SMYD3: variants seen among roughly 807,000 people sequenced by gnomAD.
The protein encoded by SMYD3 is histone-lysine N-methyltransferase SMYD3.
Under a neutral mutation model 57.7 loss-of-function variants are expected in SMYD3, and 36 were observed. The ratio of observed to expected loss-of-function variants is 0.62; its 90% CI spans 0.48 to 0.82. SMYD3 has a LOEUF of 0.82. Among genes scored for constraint, SMYD3 ranks in the 40% least tolerant of loss-of-function variants. The probability of loss-of-function intolerance (pLI) is 0.00; values close to 1 mark genes in which losing one functional copy is unlikely to be tolerated. For missense variants in SMYD3, 515 were observed against 538.8 expected, an observed-to-expected ratio of 0.96 and a Z score of 0.44; for synonymous variants, 211 against 195.0, an observed-to-expected ratio of 1.08 and a Z score of -0.68.
At chr1:245,954,823 C>A (rs546373593) in intron 5 of SMYD3, among the ~76,000 whole-genome samples, 2 of 152,320 alleles carry the variant, frequency 1.3e-5, no homozygotes, top group South Asian at 2.1e-4. Flanking sequence ...CTCTTACTTG[C>A]AACTTTCCAA....
chr1:246,052,893 CA>C (rs1440516573), intron 5 of SMYD3: 1 of 152,172 alleles, frequency 6.6e-6, no homozygotes, highest in Non-Finnish European at 1.5e-5. Context: ...TACATTAAAT[CA>C]CAATCAAAAC....
At chr1:246,273,401 C>A (rs1298030317) in intron 5 of SMYD3, among the ~76,000 whole-genome samples, 1 of 151,608 alleles carries the variant, frequency 6.6e-6, no homozygotes, top group East Asian at 1.9e-4. Context: ...CCACCCACCT[C>A]GGCCTCCCAA....
At chr1:246,244,942 C>T (rs968354038) in intron 5 of SMYD3, among the ~76,000 whole-genome samples, 3 of 152,238 alleles carry the variant, frequency 2.0e-5, no homozygotes, top group South Asian at 2.1e-4. Flanking sequence ...ATCTTCAAAA[C>T]GCTGAAGTTT....
intron 5 of SMYD3, among the ~76,000 whole-genome samples, chr1:246,003,421 G>A (rs2059115207): frequency 6.6e-6 from 1 of 152,184 alleles, no homozygotes; most frequent in South Asian, 2.1e-4. Flanking sequence ...AAATACAGGT[G>A]ACAGGATATA....
chr1:245,956,662 C>G (rs982728807), intron 5 of SMYD3, among the ~76,000 whole-genome samples: 2 of 152,136 alleles, frequency 1.3e-5, no homozygotes, highest in African/African-American at 4.8e-5. Flanking sequence ...TCTACTTCTC[C>G]TCCTCCTCCT....
intron 8 of SMYD3, among the ~76,000 whole-genome samples, chr1:245,900,770 G>T (rs2054132744): frequency 6.6e-6 from 1 of 152,118 alleles, no homozygotes; most frequent in Non-Finnish European, 1.5e-5. Context: ...ATTTTCTGAA[G>T]ATCCACCATA....
intron 10 of SMYD3, among the ~76,000 whole-genome samples, chr1:245,815,323 T>C (rs1421017053): frequency 6.6e-6 from 1 of 152,214 alleles, no homozygotes; most frequent in African/African-American, 2.4e-5. Flanking sequence ...AGTCCTTGCC[T>C]CTCATTCAGG....
At chr1:246,459,332 G>A (rs191833247) in intron 1 of SMYD3, among the ~76,000 whole-genome samples, 31 of 146,166 alleles carry the variant, frequency 2.1e-4, no homozygotes, top group African/African-American at 4.4e-4. Context: ...TAGAGTTCTC[G>A]CGAGATCTTA....
At chr1:245,776,365 T>C (rs569383337) in intron 10 of SMYD3, among the ~76,000 whole-genome samples, 30 of 151,884 alleles carry the variant, frequency 2.0e-4, no homozygotes, top group Admixed American at 1.1e-3. Context: ...GCATTGTCGT[T>C]AAAAAAAACC....
chr1:245,907,875 C>T (rs548702761), intron 8 of SMYD3, among the ~76,000 whole-genome samples: 16 of 152,018 alleles, frequency 1.1e-4, no homozygotes, highest in Admixed American at 3.3e-4. Flanking sequence ...TGGTGGCTCA[C>T]GCCTGTAATC....
chr1:246,453,044 A>ATATGTCAGATAC (rs2103030778), intron 1 of SMYD3, among the ~76,000 whole-genome samples: 1 of 152,366 alleles, frequency 6.6e-6, no homozygotes, highest in African/African-American at 2.4e-5. Flanking sequence ...AGTGCTTACT[A>ATATGTCAGATAC]TATGTCAGAT....
At chr1:246,242,667 G>T (rs1572267024) in intron 5 of SMYD3, among the ~76,000 whole-genome samples, 1 of 152,154 alleles carries the variant, frequency 6.6e-6, no homozygotes, top group Non-Finnish European at 1.5e-5. Flanking sequence ...TGGATAAAGA[G>T]TCAAGACCCA....
At chr1:246,327,901 C>T (rs1375215869) in intron 4 of SMYD3, among the ~76,000 whole-genome samples, 7 of 152,114 alleles carry the variant, frequency 4.6e-5, no homozygotes, top group Non-Finnish European at 7.4e-5. Context: ...GTTGAATAAA[C>T]AAGATAAAGG....
chr1:245,833,573 G>T (rs997336833), intron 10 of SMYD3, among the ~76,000 whole-genome samples: 1 of 152,216 alleles, frequency 6.6e-6, no homozygotes, highest in African/African-American at 2.4e-5. Context: ...CAGCCACATG[G>T]CCTCACTTGT....
At chr1:246,132,197 A>T (rs1018161854) in intron 5 of SMYD3, among the ~76,000 whole-genome samples, 3 of 152,140 alleles carry the variant, frequency 2.0e-5, no homozygotes, top group Non-Finnish European at 2.9e-5. Context: ...TTATATATTT[A>T]AAAAAGCTTT....
At chr1:245,788,302 G>T (rs113272631) in intron 10 of SMYD3, among the ~76,000 whole-genome samples, 1 of 152,018 alleles carries the variant, frequency 6.6e-6, no homozygotes, top group Non-Finnish European at 1.5e-5. Flanking sequence ...GGAACAGGGC[G>T]AGGAGAATGG....
chr1:245,841,558 C>G (rs1350435063), intron 10 of SMYD3, among the ~76,000 whole-genome samples: 1 of 152,072 alleles, frequency 6.6e-6, no homozygotes, highest in Non-Finnish European at 1.5e-5. Flanking sequence ...AATTCAAATT[C>G]TAAACGGACG....
intron 5 of SMYD3, among the ~76,000 whole-genome samples, chr1:246,176,574 G>A (rs1175324833): frequency 6.6e-6 from 1 of 152,158 alleles, no homozygotes; most frequent in East Asian, 1.9e-4. Context: ...AGACTGGAAT[G>A]CAGTGGCGCA....
At chr1:246,352,486 T>C (rs1373288754) in intron 2 of SMYD3, among the ~76,000 whole-genome samples, 1 of 152,248 alleles carries the variant, frequency 6.6e-6, no homozygotes, top group East Asian at 1.9e-4. Context: ...TTTAATGTTG[T>C]ATTTTAAGGT....
Sources: gnomAD v4.1 joint callset for allele counts (sites outside exome capture counted in the v4.1 genomes callset) on GRCh38, gnomAD v4.1.1 for gene constraint, MANE v1.5 for transcripts, NCBI Gene and HGNC (gene_info 2026-07-23, HGNC 2026-07-21) for gene names.